The following NAV3 variants were observed in gnomAD, a reference collection of about 807,000 sequenced individuals.
NAV3 encodes neuron navigator 3.
In NAV3, 87 loss-of-function variants were observed where a neutral mutation model predicts 244.7. That is an observed-to-expected ratio of 0.36 (90% CI 0.30 to 0.42). The LOEUF (loss-of-function observed/expected upper bound fraction) is 0.42, where lower values mean the gene tolerates loss of function less well. NAV3 is among the 20% of genes least tolerant of loss of function. The probability of loss-of-function intolerance (pLI) is 1.00; values close to 1 mark genes in which losing one functional copy is unlikely to be tolerated. For missense variants in NAV3, 2,663 were observed against 2,893.3 expected (o/e 0.92, Z 1.83); for synonymous variants, 1,126 against 1,042.2 (o/e 1.08, Z -1.55).
At chr12:77,798,744 A>T (rs1345550839) in intron 2 of NAV3, among the ~76,000 whole-genome samples, 1 of 152,220 alleles carries the variant, frequency 6.6e-6, no homozygotes, top group Non-Finnish European at 1.5e-5. Flanking sequence ...GCCAAAATTC[A>T]CATAGGATTA....
chr12:78,105,715 G>T (rs1464604361), intron 12 of NAV3, among the ~76,000 whole-genome samples: 1 of 151,438 alleles, frequency 6.6e-6, no homozygotes, highest in Non-Finnish European at 1.5e-5. Flanking sequence ...TTTGCAAAAT[G>T]TAAAAAAAAC....
At chr12:77,655,517 G>A (rs1183197619) in intron 2 of NAV3, among the ~76,000 whole-genome samples, 1 of 152,194 alleles carries the variant, frequency 6.6e-6, no homozygotes, top group African/African-American at 2.4e-5. Flanking sequence ...ATGGAACCAA[G>A]TTGGAAAACA....
Position 78,180,916 on chromosome 12 carries a change from G to A in NAV3, c.5563G>A (p.Glu1855Lys), listed in dbSNP as rs764542918. Residue 1855 changes from glutamate (E) to lysine (K), a missense_variant, in exon 30 of 40, where the codon GAA (glutamate) becomes AAA (lysine). Around this residue, in one of 6 missense-constraint regions of NAV3, gnomAD observed 543 missense variants for 672.4 expected, o/e 0.81. Coordinates refer to ENST00000397909, the MANE Select transcript of NAV3 (RefSeq NM_001024383.2). The part of the protein sequence containing the change: ...LKAENDRLKA[E>K]TGNTAKPTRP... ...AGCTGAAAATGACCGGTTGAAGGCA[G>A]AAACTGGTAACACAGCTAAGCCTAC... The A allele has an allele frequency of 6.2e-7, 1 of 1,612,854 alleles. No homozygotes were observed. Among genetic ancestry groups the A allele is most frequent in the Non-Finnish European group, 8.5e-7 (1 of 1,179,358 alleles).
rs141731242 is a variant in NAV3 at position 78,027,978 on chromosome 12, T to G, written c.2023+6116T>G. Among the ~76,000 whole-genome samples the G allele has an allele frequency of 2.4e-3, 363 of 152,270 alleles. 3 individuals are homozygous for G. The highest frequency in any genetic ancestry group is 9.1e-3 in the East Asian group (47 of 5,186). ...GTTTTGTTTTGTTTTGTTTTGTTTT[T>G]TTTATAGCACAGAAAGTCAAGCTGT... On this transcript the variant is annotated intron_variant, in intron 9 of 39. Coordinates refer to ENST00000397909, the MANE Select transcript of NAV3 (RefSeq NM_001024383.2).
chr12:77,724,009 A>C (rs12227741), intron 2 of NAV3, among the ~76,000 whole-genome samples: 8 of 151,956 alleles, frequency 5.3e-5, no homozygotes, highest in Admixed American at 3.9e-4. Flanking sequence ...TAAATGCCAA[A>C]TAAATTATTA....
intron 5 of NAV3, among the ~76,000 whole-genome samples, chr12:77,985,363 T>G (rs1172161040): frequency 6.6e-6 from 1 of 152,226 alleles, no homozygotes; most frequent in East Asian, 1.9e-4. Flanking sequence ...TTTCTCAATA[T>G]CTATGTCTAT....
At chr12:77,683,957 T>C (rs7311391) in intron 2 of NAV3, among the ~76,000 whole-genome samples, 8,394 of 152,244 alleles carry the variant, frequency 0.055, 531 homozygotes, top group African/African-American at 0.16. Context: ...TCAGTAAATA[T>C]GTAGGAGTAG....
At chr12:78,107,023 T>G (rs984696754) in intron 12 of NAV3, among the ~76,000 whole-genome samples, 1 of 152,036 alleles carries the variant, frequency 6.6e-6, no homozygotes, top group African/African-American at 2.4e-5. Flanking sequence ...CAGTACCCTA[T>G]CCAAACAACA....
chr12:77,710,413 C>A (rs1876051206), intron 2 of NAV3, among the ~76,000 whole-genome samples: 1 of 149,398 alleles, frequency 6.7e-6, no homozygotes, highest in African/African-American at 2.6e-5. Context: ...CAGATTGCTG[C>A]CTCAGCAGAT....
chr12:77,614,779 G>A (rs922570449), intron 2 of NAV3, among the ~76,000 whole-genome samples: 2 of 152,170 alleles, frequency 1.3e-5, no homozygotes, highest in East Asian at 1.9e-4. Flanking sequence ...CACAATCATA[G>A]ATATAAAGTA....
At chr12:77,675,591 C>T (rs1431569029) in intron 2 of NAV3, among the ~76,000 whole-genome samples, 1 of 152,162 alleles carries the variant, frequency 6.6e-6, no homozygotes, top group African/African-American at 2.4e-5. Flanking sequence ...TCATGTAAAA[C>T]TGACCATCAC....
intron 22 of NAV3, among the ~76,000 whole-genome samples, chr12:78,153,934 T>C (rs573902229): frequency 8.6e-5 from 13 of 151,368 alleles, no homozygotes; most frequent in African/African-American, 2.9e-4. Flanking sequence ...TGTGAAACTT[T>C]ATGTTGCAGA....
At chr12:77,788,498 T>C (rs186634843) in intron 2 of NAV3, among the ~76,000 whole-genome samples, 16 of 152,310 alleles carry the variant, frequency 1.1e-4, no homozygotes, top group African/African-American at 3.6e-4. Flanking sequence ...AAGGCTAACT[T>C]GGATTACATG....
At chr12:78,090,697 C>T (rs938962629) in intron 12 of NAV3, among the ~76,000 whole-genome samples, 3 of 151,962 alleles carry the variant, frequency 2.0e-5, no homozygotes, top group Non-Finnish European at 4.4e-5. Context: ...TTTTCAGGAA[C>T]AAAAACTGTT....
intron 2 of NAV3, among the ~76,000 whole-genome samples, chr12:77,597,745 G>T (rs937476659): frequency 6.6e-6 from 1 of 151,994 alleles, no homozygotes; most frequent in East Asian, 1.9e-4. Flanking sequence ...AAAACAGAAG[G>T]ATGTACAAAG....
At chr12:77,670,637 A>G (rs775581004) in intron 2 of NAV3, among the ~76,000 whole-genome samples, 8 of 152,266 alleles carry the variant, frequency 5.3e-5, no homozygotes, top group South Asian at 2.1e-4. Context: ...TTTAACATAC[A>G]TAAGTCAATA....
intron 2 of NAV3, among the ~76,000 whole-genome samples, chr12:77,681,636 A>G (rs560246530): frequency 2.7e-5 from 4 of 149,350 alleles, no homozygotes; most frequent in African/African-American, 1.0e-4. Flanking sequence ...TTCTGGCACA[A>G]GGTGTTCTGT....
At chr12:78,180,684 G>A (rs1227622678) in intron 29 of NAV3, among the ~76,000 whole-genome samples, 187 bp from the exon 30 acceptor site, 1 of 152,010 alleles carries the variant, frequency 6.6e-6, no homozygotes, top group Non-Finnish European at 1.5e-5. Flanking sequence ...TGTATAATGT[G>A]TGAGAGAGAA....
intron 1 of NAV3, among the ~76,000 whole-genome samples, chr12:77,865,519 T>TA (rs1565869747): frequency 6.6e-6 from 1 of 152,082 alleles, no homozygotes; most frequent in Non-Finnish European, 1.5e-5. Flanking sequence ...AATTAATGTT[T>TA]AACCCCTTTG....
Sources: allele counts gnomAD v4.1 joint callset (sites outside exome capture counted in the v4.1 genomes callset), GRCh38; gene constraint gnomAD v4.1.1; regional missense constraint gnomAD v4.1.1; transcripts MANE v1.5; gene names NCBI Gene and HGNC (gene_info 2026-07-23, HGNC 2026-07-21).